The following CAMKMT variants were observed in gnomAD, a reference collection of about 807,000 sequenced individuals.
CAMKMT encodes calmodulin-lysine N-methyltransferase, also known as CaM KMT.
Under a neutral mutation model 48.0 loss-of-function variants are expected in CAMKMT, and 53 were observed. The observed-to-expected ratio is 1.10, with a 90% CI of 0.89 to 1.39. CAMKMT has a LOEUF of 1.39. Ranked by LOEUF, CAMKMT falls within the 40% of genes most tolerant of loss-of-function variation. The pLI is 0.00. For missense variants in CAMKMT, 428 were observed against 402.7 expected, an observed-to-expected ratio of 1.06 and a Z score of -0.54; for synonymous variants, 165 against 152.3, an observed-to-expected ratio of 1.08 and a Z score of -0.61.
intron 3 of CAMKMT, among the ~76,000 whole-genome samples, chr2:44,436,105 TC>T (rs1208241789): frequency 1.3e-5 from 2 of 152,110 alleles, no homozygotes; most frequent in African/African-American, 4.8e-5. Context: ...AGACAGAGTC[TC>T]CCTCTGTCAC....
chr2:44,542,782 T>C (rs542864434), intron 3 of CAMKMT, among the ~76,000 whole-genome samples: 12 of 151,986 alleles, frequency 7.9e-5, no homozygotes, highest in East Asian at 1.9e-4. Flanking sequence ...ATAGCAGTTA[T>C]GGGGTACTTA....
At chr2:44,519,524 G>A (rs764684679) in intron 3 of CAMKMT, among the ~76,000 whole-genome samples, 3 of 152,078 alleles carry the variant, frequency 2.0e-5, no homozygotes, top group Non-Finnish European at 4.4e-5. Context: ...GCCTTAGTAC[G>A]AGGCATAGCA....
intron 3 of CAMKMT, among the ~76,000 whole-genome samples, chr2:44,458,503 C>T (rs1172000130): frequency 6.6e-6 from 1 of 152,172 alleles, no homozygotes; most frequent in Non-Finnish European, 1.5e-5. Flanking sequence ...ATGTCAGCTT[C>T]TTTATTCGCC....
chr2:44,768,361 A>ATATATT (rs35058824), intron 10 of CAMKMT, among the ~76,000 whole-genome samples: 18 of 115,730 alleles, frequency 1.6e-4, no homozygotes, highest in African/African-American at 3.7e-4. Flanking sequence ...ATATATATAT[A>ATATATT]TTTTTTTTTT....
intron 3 of CAMKMT, among the ~76,000 whole-genome samples, chr2:44,668,634 C>G (rs1248552291): frequency 6.6e-5 from 10 of 152,098 alleles, no homozygotes; most frequent in Non-Finnish European, 4.4e-5. Context: ...TTTTGAAATA[C>G]ACATACAAGA....
At chr2:44,396,829 G>A (rs1312265992) in intron 3 of CAMKMT, among the ~76,000 whole-genome samples, 3 of 151,822 alleles carry the variant, frequency 2.0e-5, no homozygotes, top group Non-Finnish European at 4.4e-5. Context: ...GGGAAGCCAA[G>A]GTGGGCGGAT....
chr2:44,726,053 T>C (rs1456144586), intron 7 of CAMKMT, among the ~76,000 whole-genome samples: 1 of 152,230 alleles, frequency 6.6e-6, no homozygotes, highest in African/African-American at 2.4e-5. Flanking sequence ...GTGTGCTCAA[T>C]GTTTAGCTCC....
At chr2:44,558,276 G>A (rs752068083) in intron 3 of CAMKMT, among the ~76,000 whole-genome samples, 1 of 152,112 alleles carries the variant, frequency 6.6e-6, no homozygotes, top group African/African-American at 2.4e-5. Context: ...CTGAGCTCAA[G>A]TGAGCCTCCT....
chr2:44,764,280 G>C (rs910876975), intron 9 of CAMKMT, among the ~76,000 whole-genome samples: 2 of 152,288 alleles, frequency 1.3e-5, no homozygotes, highest in African/African-American at 4.8e-5. Context: ...GTGTAGCCAC[G>C]TATTTTCTTA....
At chr2:44,665,152 C>T (rs1010314875) in intron 3 of CAMKMT, among the ~76,000 whole-genome samples, 4 of 152,096 alleles carry the variant, frequency 2.6e-5, no homozygotes, top group African/African-American at 7.2e-5. Context: ...CTCACTGCAA[C>T]CTCTGCCTCC....
chr2:44,667,851 T>C (rs780995797), intron 3 of CAMKMT, among the ~76,000 whole-genome samples: 2 of 152,186 alleles, frequency 1.3e-5, no homozygotes, highest in Non-Finnish European at 2.9e-5. Context: ...TCATTGCTCA[T>C]CACTCCCTCC....
At chr2:44,633,662 C>A (rs1198690316) in intron 3 of CAMKMT, among the ~76,000 whole-genome samples, 1 of 151,966 alleles carries the variant, frequency 6.6e-6, no homozygotes, top group East Asian at 1.9e-4. Context: ...TTCCTTTAAT[C>A]TTTGAATATG....
At chr2:44,728,839 C>CTTTTTTT (rs70937931) in intron 7 of CAMKMT, among the ~76,000 whole-genome samples, 3 of 58,310 alleles carry the variant, frequency 5.1e-5, no homozygotes, top group Non-Finnish European at 1.0e-4. Context: ...GGGGTCTATC[C>CTTTTTTT]TTTTTTTTTT....
In CAMKMT at chr2:44,733,473, G is replaced by C. The variant is rs193261109; in HGVS notation, c.624-10149G>C. On this transcript the variant is annotated intron_variant, in intron 7 of 10. Coordinates refer to ENST00000378494, the MANE Select transcript of CAMKMT (RefSeq NM_024766.5). ...ATACAGAAAGGGACTGTAATCTCCA[G>C]TGCAGTGTTGAAGAATGAAAGAAAA... 1.5e-3 allele frequency among the ~76,000 whole-genome samples: 234 copies of C among 152,258 alleles called. 1 individual carries two copies. Among genetic ancestry groups the C allele is most frequent in the Non-Finnish European group, 2.7e-3 (185 of 67,992 alleles).
chr2:44,542,761 GGGGTCTCAGGATAGCAGT>G (rs1255044193), intron 3 of CAMKMT, among the ~76,000 whole-genome samples: 1 of 152,112 alleles, frequency 6.6e-6, no homozygotes, highest in Non-Finnish European at 1.5e-5. Flanking sequence ...CCGAGAAACT[GGGGTCTCAGGATAGCAGT>G]TATGGGGTAC....
intron 1 of CAMKMT, chr2:44,369,798 T>C (rs1443452045): frequency 6.6e-6 from 1 of 152,206 alleles, no homozygotes; most frequent in Non-Finnish European, 1.5e-5. Flanking sequence ...CTGGAACCTC[T>C]GTTAAAGCTG....
chr2:44,655,829 T>A (rs1674349510), intron 3 of CAMKMT, among the ~76,000 whole-genome samples: 1 of 152,180 alleles, frequency 6.6e-6, no homozygotes, highest in African/African-American at 2.4e-5. Context: ...AACCTTTATC[T>A]TTTTGCATTC....
chr2:44,469,400 A>T (rs1421579758), intron 3 of CAMKMT, among the ~76,000 whole-genome samples: 3 of 151,650 alleles, frequency 2.0e-5, no homozygotes, highest in Non-Finnish European at 4.4e-5. Flanking sequence ...AAATCCAAAG[A>T]TTGTGTATTT....
intron 4 of CAMKMT, chr2:44,705,511 G>A: frequency 1.0e-6 from 1 of 985,364 alleles, no homozygotes; most frequent in Non-Finnish European, 1.2e-6. Context: ...ACACGTTAAG[G>A]GCTGATATTT....
Sources: gnomAD v4.1 joint callset for allele counts (sites outside exome capture counted in the v4.1 genomes callset) on GRCh38, gnomAD v4.1.1 for gene constraint, MANE v1.5 for transcripts, NCBI Gene and HGNC (gene_info 2026-07-23, HGNC 2026-07-21) for gene names.